The following LAMC1 variants were observed in gnomAD, a reference collection of about 807,000 sequenced individuals.
LAMC1 encodes the protein laminin subunit gamma 1.
A neutral mutation model predicts 173.6 loss-of-function variants in LAMC1; 38 were observed. The ratio of observed to expected loss-of-function variants is 0.22; its 90% CI spans 0.17 to 0.29. The LOEUF is 0.29. LAMC1 is among the 10% of genes least tolerant of loss of function. The pLI is 1.00. For missense variants in LAMC1, 1,824 were observed against 2,051.8 expected, an observed-to-expected ratio of 0.89 and a Z score of 2.14; for synonymous variants, 746 against 749.1, an observed-to-expected ratio of 1.00 and a Z score of 0.07.
intron 1 of LAMC1, among the ~76,000 whole-genome samples, chr1:183,052,284 A>T (rs900508923): frequency 2.6e-5 from 4 of 151,680 alleles, no homozygotes; most frequent in Non-Finnish European, 5.9e-5. Flanking sequence ...AACTCTGCTA[A>T]TTGATATTCT....
At chr1:183,094,558 G>A in intron 1 of LAMC1, among the ~76,000 whole-genome samples, 1 of 152,184 alleles carries the variant, frequency 6.6e-6, no homozygotes, top group East Asian at 1.9e-4. Context: ...TTCAGTAAAT[G>A]TTTGTTGAAT....
chr1:183,133,613 G>T (rs1270266072), intron 22 of LAMC1, 63 bp downstream of exon 22: 2 of 1,468,820 alleles, frequency 1.4e-6, no homozygotes, highest in Admixed American at 2.1e-5. Context: ...TGTGAGAGCC[G>T]ACTGCTCTGC....
chr1:183,079,892 C>T (rs1655223966), intron 1 of LAMC1, among the ~76,000 whole-genome samples: 1 of 152,212 alleles, frequency 6.6e-6, no homozygotes, highest in Admixed American at 6.5e-5. Context: ...AGTCGTTTTA[C>T]AGTGTTACTC....
chr1:183,031,870 C>T (rs1558027015), intron 1 of LAMC1, among the ~76,000 whole-genome samples: 1 of 151,508 alleles, frequency 6.6e-6, no homozygotes, highest in South Asian at 2.1e-4. Flanking sequence ...TAAGATAGAA[C>T]TTGCCCTGTG....
intron 11 of LAMC1, among the ~76,000 whole-genome samples, chr1:183,120,025 TG>T (rs1209543302): frequency 6.6e-6 from 1 of 151,664 alleles, no homozygotes; most frequent in African/African-American, 2.4e-5. Context: ...AAAAATTAGC[TG>T]GGCATGGTGG....
chr1:183,073,559 A>C (rs1349945249), intron 1 of LAMC1, among the ~76,000 whole-genome samples: 1 of 152,226 alleles, frequency 6.6e-6, no homozygotes, highest in East Asian at 1.9e-4. Context: ...CCAGCTTTGC[A>C]TCACCTAGGT....
chr1:183,135,919 C>T (rs1382140462), intron 24 of LAMC1, among the ~76,000 whole-genome samples: 1 of 148,714 alleles, frequency 6.7e-6, no homozygotes, highest in Non-Finnish European at 1.5e-5. Flanking sequence ...AGTAGTAGTT[C>T]AAAATATGGA....
chr1:183,134,669 A>T lies in LAMC1; in HGVS notation c.3859A>T (p.Asn1287Tyr), dbSNP rs907259524. Residue 1287 changes from asparagine (N) to tyrosine (Y), a missense_variant, in exon 23 of 28, where the codon AAT becomes TAT. Coordinates refer to ENST00000258341, the MANE Select transcript of LAMC1 (RefSeq NM_002293.4). ...TACTTGCTTTTCACAGAATGAAGCA[A>T]ATAACATAAAGATGGAAGCTGAGAA... ...LDSETLENEANNIKMEAENLE... is the reference protein window; with the variant it reads ...LDSETLENEAYNIKMEAENLE... 1 of 1,609,654 alleles carries T rather than the reference A, an allele frequency of 6.2e-7. No individual in the cohort carries two copies. The highest frequency in any genetic ancestry group is 8.5e-7 in the Non-Finnish European group (1 of 1,178,866).
intron 1 of LAMC1, among the ~76,000 whole-genome samples, chr1:183,026,339 C>T (rs575313387): frequency 5.9e-5 from 9 of 152,062 alleles, no homozygotes; most frequent in African/African-American, 1.4e-4. Context: ...AGAAATCATG[C>T]ATAGTGGAGG....
chr1:183,088,121 T>C (rs1655479291), intron 1 of LAMC1, among the ~76,000 whole-genome samples: 1 of 152,240 alleles, frequency 6.6e-6, no homozygotes. Context: ...CTATTTTCTT[T>C]GATCTTATTA....
At position 183,108,308 on chromosome 1, in the gene LAMC1, T is replaced by C. The variant is rs1656047409; in HGVS notation, c.756T>C (p.Thr252=). 1.2e-6 allele frequency: 2 copies of C among 1,613,588 alleles called. No individual in the cohort carries two copies. The highest frequency in any genetic ancestry group is 1.1e-5 in the South Asian group (1 of 91,054). ...EWVTATDIRV[T]LNRLNTFGDE... is the part of the protein sequence containing the mutation. ...TAACTGCCACTGACATCAGAGTAAC[T>C]CTTAATCGCCTGAACACTTTTGGAG... The change falls in exon 3 of 28, where the codon ACT becomes ACC. Residue 252 remains threonine, a synonymous_variant. Coordinates refer to ENST00000258341, the MANE Select transcript of LAMC1 (RefSeq NM_002293.4).
chr1:183,127,819 G>A (rs1195429470), intron 17 of LAMC1, among the ~76,000 whole-genome samples: 2 of 152,156 alleles, frequency 1.3e-5, no homozygotes, highest in African/African-American at 4.8e-5. Context: ...TTTAAGACGG[G>A]AGAGGTTGGT....
chr1:183,047,027 C>T (rs1434001966), intron 1 of LAMC1, among the ~76,000 whole-genome samples: 1 of 152,070 alleles, frequency 6.6e-6, no homozygotes, highest in African/African-American at 2.4e-5. Context: ...TTTTCAACTT[C>T]TTTTGCTGTA....
chr1:183,049,966 G>A (rs1191539846), intron 1 of LAMC1, among the ~76,000 whole-genome samples: 2 of 152,082 alleles, frequency 1.3e-5, no homozygotes, highest in East Asian at 1.9e-4. Flanking sequence ...ATGTGTTTCC[G>A]TGCATTATTT....
intron 14 of LAMC1, 123 bp from the exon 15 acceptor site, chr1:183,125,274 C>G (rs1656588416): frequency 6.7e-6 from 6 of 901,218 alleles, no homozygotes; most frequent in Non-Finnish European, 8.7e-6. Context: ...TGCTCAGTAG[C>G]CACATGTGAC....
intron 10 of LAMC1, 137 bp from the exon 11 acceptor site, chr1:183,117,897 C>G (rs554934465): frequency 1.3e-6 from 1 of 743,304 alleles, no homozygotes; most frequent in East Asian, 2.6e-5. Context: ...ATTGTACTAC[C>G]AAACCAATAG....
At chr1:183,079,182 C>G (rs941296381) in intron 1 of LAMC1, among the ~76,000 whole-genome samples, 2 of 135,516 alleles carry the variant, frequency 1.5e-5, no homozygotes, top group Non-Finnish European at 3.1e-5. Context: ...GTTCAACTTT[C>G]ATTTGTTCCA....
chr1:183,086,242 G>A (rs184622418), intron 1 of LAMC1, among the ~76,000 whole-genome samples: 9 of 152,304 alleles, frequency 5.9e-5, no homozygotes, highest in African/African-American at 2.2e-4. Context: ...TGCTTATATG[G>A]CCGCGTTGCG....
chr1:183,104,068 G>A (rs142030735), intron 2 of LAMC1, among the ~76,000 whole-genome samples: 314 of 152,256 alleles, frequency 2.1e-3, no homozygotes, highest in African/African-American at 7.2e-3. Flanking sequence ...AAGGGGAACC[G>A]TTGAAGCAAG....
Sources: allele counts gnomAD v4.1 joint callset (sites outside exome capture counted in the v4.1 genomes callset), GRCh38; gene constraint gnomAD v4.1.1; transcripts MANE v1.5; gene names NCBI Gene and HGNC (gene_info 2026-07-23, HGNC 2026-07-21).